The following SUGCT variants were observed in gnomAD, a reference collection of about 807,000 sequenced individuals.
SUGCT encodes succinyl-CoA:glutarate CoA-transferase.
SUGCT carries 41 observed loss-of-function variants against 55.0 expected under a neutral mutation model. The observed-to-expected ratio is 0.74, with a 90% CI of 0.58 to 0.97. The LOEUF is 0.97. Ranked by LOEUF, SUGCT falls within the 50% of genes least tolerant of loss-of-function variation. The probability of loss-of-function intolerance (pLI) is 0.00; values close to 1 mark genes in which losing one functional copy is unlikely to be tolerated. For missense variants in SUGCT, 568 were observed against 547.8 expected, an observed-to-expected ratio of 1.04 and a Z score of -0.37; for synonymous variants, 187 against 200.4, an observed-to-expected ratio of 0.93 and a Z score of 0.56.
the SUGCT span, among the ~76,000 whole-genome samples, chr7:40,978,010 G>T: frequency 6.6e-6 from 1 of 152,122 alleles, no homozygotes; most frequent in Non-Finnish European, 1.5e-5. Context: ...TGGCTCTCTT[G>T]TCTGTAACCC....
At chr7:40,939,851 G>T in the SUGCT span, among the ~76,000 whole-genome samples, 3 of 151,872 alleles carry the variant, frequency 2.0e-5, no homozygotes, top group East Asian at 1.9e-4. Flanking sequence ...TCTGATGATT[G>T]TCTCTTTTGC....
intron 6 of SUGCT, among the ~76,000 whole-genome samples, chr7:40,209,655 G>T (rs975564497): frequency 6.6e-6 from 1 of 152,106 alleles, no homozygotes; most frequent in African/African-American, 2.4e-5. Context: ...AATTATCCAG[G>T]TGTGGTGGCG....
intron 13 of SUGCT, among the ~76,000 whole-genome samples, chr7:40,851,755 A>T (rs965297813): frequency 2.0e-5 from 3 of 152,234 alleles, no homozygotes; most frequent in Non-Finnish European, 4.4e-5. Flanking sequence ...GAAGGACAAG[A>T]ATATGGACTT....
At chr7:40,906,823 A>G in the SUGCT span, among the ~76,000 whole-genome samples, 1 of 152,200 alleles carries the variant, frequency 6.6e-6, no homozygotes, top group African/African-American at 2.4e-5. Context: ...GAGAAGTAGA[A>G]TAAGCACATT....
chr7:40,142,922 T>G (rs1296288898), intron 1 of SUGCT, among the ~76,000 whole-genome samples: 1 of 152,224 alleles, frequency 6.6e-6, no homozygotes, highest in East Asian at 1.9e-4. Flanking sequence ...TAGATGTAGT[T>G]TATCCAATCT....
intron 12 of SUGCT, among the ~76,000 whole-genome samples, chr7:40,533,555 A>G (rs902459036): frequency 1.3e-5 from 2 of 152,120 alleles, no homozygotes; most frequent in Admixed American, 1.3e-4. Flanking sequence ...AGCCACTTCT[A>G]AAGAACTACT....
intron 3 of SUGCT, among the ~76,000 whole-genome samples, chr7:40,182,467 C>T (rs567413157): frequency 1.3e-5 from 2 of 149,742 alleles, no homozygotes; most frequent in African/African-American, 2.5e-5. Flanking sequence ...GAGGCTGAGG[C>T]AGGAGAATCA....
At chr7:40,208,252 G>A (rs1406439243) in intron 6 of SUGCT, among the ~76,000 whole-genome samples, 1 of 152,164 alleles carries the variant, frequency 6.6e-6, no homozygotes, top group East Asian at 1.9e-4. Flanking sequence ...AGAAGTTCTG[G>A]AGATGGATGG....
the SUGCT span, among the ~76,000 whole-genome samples, chr7:41,015,591 G>A: frequency 8.5e-5 from 13 of 152,220 alleles, no homozygotes; most frequent in African/African-American, 3.1e-4. Flanking sequence ...GTAGAATGAG[G>A]TAGAAATGAA....
the SUGCT span, among the ~76,000 whole-genome samples, chr7:40,867,380 A>C: frequency 5.9e-5 from 9 of 151,754 alleles, no homozygotes; most frequent in Admixed American, 3.3e-4. Context: ...AGAGAGAGAG[A>C]GAGCATCTCT....
intron 6 of SUGCT, among the ~76,000 whole-genome samples, chr7:40,229,050 C>T (rs1271846340): frequency 6.6e-6 from 1 of 152,108 alleles, no homozygotes; most frequent in Non-Finnish European, 1.5e-5. Flanking sequence ...ATTCCAGGAA[C>T]ATTTTGTACC....
intron 12 of SUGCT, among the ~76,000 whole-genome samples, chr7:40,680,159 C>T (rs1299376608): frequency 2.0e-5 from 3 of 152,122 alleles, no homozygotes; most frequent in African/African-American, 7.2e-5. Flanking sequence ...GAAGGATTTA[C>T]TATCAGAATC....
intron 12 of SUGCT, among the ~76,000 whole-genome samples, chr7:40,673,062 A>G (rs903551170): frequency 3.3e-5 from 5 of 152,206 alleles, no homozygotes; most frequent in Non-Finnish European, 7.3e-5. Flanking sequence ...AAACCACAAT[A>G]TTTAGATCTC....
At position 40,278,841 on chromosome 7, in the gene SUGCT, T is replaced by TTA. The variant is rs1554300622; in HGVS notation, c.720+4185_720+4186insTA. Among the ~76,000 whole-genome samples, 788 of 148,254 alleles carry TTA rather than the reference T, an allele frequency of 5.3e-3. 9 individuals are homozygous for TTA. Among genetic ancestry groups the TTA allele is most frequent in the Middle Eastern group, 0.024 (7 of 288 alleles). ...TCAGATCTTACATTTTTTTTTTTTT[T>TTA]AAAGAGATACGGTCTCGTGCTTTTG... On this transcript the variant is annotated intron_variant, in intron 8 of 13. Transcript: ENST00000335693.
the SUGCT span, among the ~76,000 whole-genome samples, chr7:40,893,318 G>A: frequency 9.8e-5 from 15 of 152,300 alleles, no homozygotes; most frequent in South Asian, 1.5e-3. Context: ...CTGTTCAAAT[G>A]TTATAGATCA....
At chr7:40,341,559 A>G (rs903523706) in intron 9 of SUGCT, among the ~76,000 whole-genome samples, 1 of 152,230 alleles carries the variant, frequency 6.6e-6, no homozygotes, top group Non-Finnish European at 1.5e-5. Flanking sequence ...AAGTTTCTAA[A>G]GGTACAGGAT....
intron 9 of SUGCT, among the ~76,000 whole-genome samples, chr7:40,362,722 T>A (rs970655155): frequency 6.6e-5 from 10 of 152,294 alleles, no homozygotes; most frequent in African/African-American, 2.4e-4. Context: ...TTATATATTA[T>A]AAAATCAGTC....
chr7:40,370,065 T>C (rs1302589082), intron 9 of SUGCT, among the ~76,000 whole-genome samples: 1 of 152,080 alleles, frequency 6.6e-6, no homozygotes, highest in African/African-American at 2.4e-5. Flanking sequence ...GGATCCTTGG[T>C]TTAGGGCAGT....
intron 13 of SUGCT, among the ~76,000 whole-genome samples, chr7:40,823,405 A>G (rs1007964458): frequency 3.9e-5 from 6 of 152,160 alleles, no homozygotes; most frequent in Non-Finnish European, 7.4e-5. Context: ...TTCATTTAAA[A>G]ATAGATCCAA....
Sources: allele counts gnomAD v4.1 joint callset (sites outside exome capture counted in the v4.1 genomes callset), GRCh38; gene constraint gnomAD v4.1.1; transcripts MANE v1.5; gene names NCBI Gene and HGNC (gene_info 2026-07-23, HGNC 2026-07-21).